RIMS2: variants seen among roughly 807,000 people sequenced by gnomAD.
RIMS2 encodes the protein regulating synaptic membrane exocytosis protein 2.
A neutral mutation model predicts 174.4 loss-of-function variants in RIMS2; 59 were observed. The ratio of observed to expected loss-of-function variants is 0.34; its 90% CI spans 0.27 to 0.42. The LOEUF is 0.42. Among genes scored for constraint, RIMS2 ranks in the 10% least tolerant of loss-of-function variants. The pLI, the probability that RIMS2 is intolerant of heterozygous loss-of-function variation, is 1.00. For missense variants in RIMS2, 1,620 were observed against 1,666.3 expected (o/e 0.97, Z 0.48); for synonymous variants, 606 against 572.5 (o/e 1.06, Z -0.84).
At chr8:103,574,415 C>T (rs973979284) in intron 1 of RIMS2, among the ~76,000 whole-genome samples, 12 of 152,104 alleles carry the variant, frequency 7.9e-5, no homozygotes, top group Admixed American at 7.2e-4. Context: ...TCTCACAGAC[C>T]GATATTGTTC....
intron 19 of RIMS2, among the ~76,000 whole-genome samples, chr8:104,127,180 G>A (rs1446017927): frequency 6.6e-6 from 1 of 152,006 alleles, no homozygotes; most frequent in African/African-American, 2.4e-5. Flanking sequence ...TTTTCCATAA[G>A]TATGCCTGCT....
chr8:104,195,681 A>C (rs2099020795), intron 19 of RIMS2, among the ~76,000 whole-genome samples: 1 of 151,980 alleles, frequency 6.6e-6, no homozygotes, highest in Non-Finnish European at 1.5e-5. Context: ...TGCCTGGCTA[A>C]TTTTTTGTAT....
chr8:103,582,730 G>A lies in RIMS2; in HGVS notation c.176+81668G>A, dbSNP rs540108238. On this transcript the variant is annotated intron_variant, in intron 1 of 23. Coordinates refer to ENST00000504942, the Ensembl canonical transcript of RIMS2. ...TGGAAAGAGGAGGGAAGAGTGGAAA[G>A]GATTGTGTCTTATGGTTTGAGTACC... Among the ~76,000 whole-genome samples the A allele has an allele frequency of 4.6e-5, 7 of 152,248 alleles. No homozygotes were observed. In the South Asian group the frequency reaches 8.3e-4, roughly 18 times the overall value.
intron 16 of RIMS2, among the ~76,000 whole-genome samples, chr8:103,983,013 A>C (rs572996237): frequency 6.6e-6 from 1 of 152,350 alleles, no homozygotes; most frequent in Non-Finnish European, 1.5e-5. Flanking sequence ...TAAAGGCTCC[A>C]CCAAAAACTA....
intron 1 of RIMS2, among the ~76,000 whole-genome samples, chr8:103,548,202 A>G (rs1230229845): frequency 1.3e-5 from 2 of 152,204 alleles, no homozygotes; most frequent in African/African-American, 4.8e-5. Flanking sequence ...TGGCAGAGAC[A>G]CAACAACAGC....
intron 3 of RIMS2, among the ~76,000 whole-genome samples, chr8:103,867,291 G>C (rs1379305160): frequency 1.1e-4 from 16 of 151,640 alleles, no homozygotes; most frequent in Non-Finnish European, 3.0e-5. Context: ...AAGCAAAATT[G>C]AAAATTCGGA....
At chr8:103,521,225 T>C (rs1366009959) in intron 1 of RIMS2, among the ~76,000 whole-genome samples, 2 of 151,878 alleles carry the variant, frequency 1.3e-5, no homozygotes, top group African/African-American at 4.8e-5. Context: ...ACATGGCACA[T>C]GTATACATAT....
intron 8 of RIMS2, among the ~76,000 whole-genome samples, chr8:103,916,890 G>A (rs2076718154): frequency 6.6e-6 from 1 of 151,960 alleles, no homozygotes; most frequent in Non-Finnish European, 1.5e-5. Context: ...TTCAACATAG[G>A]AAAGAAAGGG....
chr8:104,228,130 ACCATTCT>A (rs2099200851), intron 19 of RIMS2, among the ~76,000 whole-genome samples: 1 of 149,078 alleles, frequency 6.7e-6, no homozygotes, highest in Non-Finnish European at 1.5e-5. Context: ...CCAGGTTCAC[ACCATTCT>A]CCTGCCTCAG....
At chr8:103,742,451 C>T (rs2097770902) in intron 2 of RIMS2, among the ~76,000 whole-genome samples, 1 of 152,092 alleles carries the variant, frequency 6.6e-6, no homozygotes, top group African/African-American at 2.4e-5. Context: ...TGAACAATGC[C>T]TTCTGCAGTT....
At chr8:103,638,290 CTATGCAAA>C (rs2096137585) in intron 1 of RIMS2, among the ~76,000 whole-genome samples, 1 of 151,984 alleles carries the variant, frequency 6.6e-6, no homozygotes, top group South Asian at 2.1e-4. Flanking sequence ...ATACTTGAGG[CTATGCAAA>C]TATTGCTTCT....
intron 3 of RIMS2, chr8:103,768,673 C>A (rs34503807): frequency 0.13 from 105,664 of 790,368 alleles, 8,827 homozygotes; most frequent in Non-Finnish European, 0.17. Flanking sequence ...GATGCCTCAT[C>A]ACCTGGGGCC....
intron 19 of RIMS2, among the ~76,000 whole-genome samples, chr8:104,078,331 G>A (rs992450994): frequency 6.6e-6 from 1 of 152,140 alleles, no homozygotes; most frequent in African/African-American, 2.4e-5. Flanking sequence ...CATAGAAGGG[G>A]TGGCTTAAAG....
intron 1 of RIMS2, among the ~76,000 whole-genome samples, chr8:103,625,340 A>G (rs2095756266): frequency 6.6e-6 from 1 of 152,210 alleles, no homozygotes. Flanking sequence ...TATCCTGCCC[A>G]CAATGAGTTC....
intron 2 of RIMS2, among the ~76,000 whole-genome samples, chr8:103,738,385 G>T (rs536998004): frequency 1.6e-4 from 25 of 152,250 alleles, no homozygotes; most frequent in African/African-American, 5.3e-4. Flanking sequence ...ATTAATTCAA[G>T]ATGGATTAAA....
At chr8:103,929,754 A>G (rs1383011300) in intron 11 of RIMS2, among the ~76,000 whole-genome samples, 2 of 151,968 alleles carry the variant, frequency 1.3e-5, no homozygotes, top group Non-Finnish European at 2.9e-5. Context: ...GTCTTTTGCC[A>G]GAAGAATAGT....
chr8:104,148,522 T>C, intron 19 of RIMS2, 85 bp from the exon 25 acceptor site: 1 of 1,194,154 alleles, frequency 8.4e-7, no homozygotes, highest in African/African-American at 1.5e-5. Context: ...AATTTAATTA[T>C]ACTCCAAATG....
chr8:104,202,163 A>T (rs1401584613), intron 19 of RIMS2, among the ~76,000 whole-genome samples: 1 of 152,170 alleles, frequency 6.6e-6, no homozygotes, highest in Non-Finnish European at 1.5e-5. Flanking sequence ...TTTTTAAGAG[A>T]TTATATAAAT....
chr8:103,845,929 A>G (rs2098965570), intron 3 of RIMS2, among the ~76,000 whole-genome samples: 1 of 152,114 alleles, frequency 6.6e-6, no homozygotes, highest in African/African-American at 2.4e-5. Flanking sequence ...GATGCTAAGG[A>G]TCTCTATTCT....
Sources: gnomAD v4.1 joint callset for allele counts (sites outside exome capture counted in the v4.1 genomes callset) on GRCh38, gnomAD v4.1.1 for gene constraint, MANE v1.5 for transcripts, NCBI Gene and HGNC (gene_info 2026-07-23, HGNC 2026-07-21) for gene names.